The following ROBO1 variants were observed in gnomAD, a reference collection of about 807,000 sequenced individuals.
The protein encoded by ROBO1 is roundabout guidance receptor 1.
In ROBO1, 149 loss-of-function variants were observed where a neutral mutation model predicts 195.9. That is an observed-to-expected ratio of 0.76 (90% CI 0.67 to 0.87). The LOEUF is 0.87. Ranked by LOEUF, ROBO1 falls within the 40% of genes least tolerant of loss-of-function variation. The pLI, the probability that ROBO1 is intolerant of heterozygous loss-of-function variation, is 0.00. For missense variants in ROBO1, 1,933 were observed against 2,068.3 expected (o/e 0.93, Z 1.27); for synonymous variants, 816 against 733.2 (o/e 1.11, Z -1.82).
intron 3 of ROBO1, among the ~76,000 whole-genome samples, chr3:78,950,038 T>C (rs984937558): frequency 3.9e-5 from 6 of 152,070 alleles, no homozygotes; most frequent in African/African-American, 9.7e-5. Context: ...TGTGGAGAAA[T>C]AGGAACACTT....
chr3:79,639,490 A>G (rs901701289), intron 1 of ROBO1, among the ~76,000 whole-genome samples: 2 of 152,122 alleles, frequency 1.3e-5, no homozygotes, highest in African/African-American at 4.8e-5. Context: ...ACCAGGTTGG[A>G]AAAAAACTCA....
At chr3:79,512,169 AAAT>A in intron 2 of ROBO1, among the ~76,000 whole-genome samples, 1 of 142,036 alleles carries the variant, frequency 7.0e-6, no homozygotes, top group East Asian at 2.2e-4. Context: ...CAGAGAAATT[AAAT>A]AATCTGTTTA....
chr3:78,943,740 GAA>G (rs1368779655), intron 3 of ROBO1, among the ~76,000 whole-genome samples: 1 of 152,086 alleles, frequency 6.6e-6, no homozygotes, highest in Non-Finnish European at 1.5e-5. Context: ...CATTTCAAGA[GAA>G]AATATACACT....
chr3:79,647,747 G>C (rs1402664731), intron 1 of ROBO1, among the ~76,000 whole-genome samples: 1 of 152,086 alleles, frequency 6.6e-6, no homozygotes, highest in East Asian at 1.9e-4. Flanking sequence ...GAAGATGGGA[G>C]AGAACCTCTT....
chr3:79,201,470 G>A (rs150668405), intron 2 of ROBO1, among the ~76,000 whole-genome samples: 11 of 152,060 alleles, frequency 7.2e-5, no homozygotes, highest in African/African-American at 2.6e-4. Context: ...CAATTCTATG[G>A]GGAAGGTAGT....
chr3:78,638,776 A>G (rs937661042), intron 22 of ROBO1, among the ~76,000 whole-genome samples: 1 of 152,110 alleles, frequency 6.6e-6, no homozygotes, highest in Non-Finnish European at 1.5e-5. Context: ...TGGGAGGCTG[A>G]GGTGAGAGGA....
chr3:79,488,409 G>A (rs1467189964), intron 2 of ROBO1, among the ~76,000 whole-genome samples: 1 of 152,024 alleles, frequency 6.6e-6, no homozygotes, highest in East Asian at 1.9e-4. Flanking sequence ...GGCTAACTTT[G>A]GACCAAATTG....
intron 4 of ROBO1, among the ~76,000 whole-genome samples, chr3:78,868,495 C>T (rs2035323041): frequency 1.3e-5 from 2 of 152,104 alleles, no homozygotes; most frequent in South Asian, 2.1e-4. Flanking sequence ...ATAGTGGCAT[C>T]GCTTTTAATA....
chr3:78,853,049 C>A (rs552250331), intron 4 of ROBO1, among the ~76,000 whole-genome samples: 6 of 152,214 alleles, frequency 3.9e-5, no homozygotes, highest in Non-Finnish European at 7.4e-5. Context: ...TTAGACATTC[C>A]ATTTCAGACA....
intron 2 of ROBO1, among the ~76,000 whole-genome samples, chr3:79,279,188 C>T (rs2031301873): frequency 6.6e-6 from 1 of 151,886 alleles, no homozygotes; most frequent in Non-Finnish European, 1.5e-5. Flanking sequence ...ATAGCTGGAA[C>T]CCAGGAAGCG....
chr3:78,948,391 T>C (rs752887034), intron 3 of ROBO1, among the ~76,000 whole-genome samples: 1 of 152,204 alleles, frequency 6.6e-6, no homozygotes, highest in Non-Finnish European at 1.5e-5. Flanking sequence ...ATCCAGCTTA[T>C]AAACAGAACC....
chr3:79,187,630 C>G (rs984490062), intron 2 of ROBO1, among the ~76,000 whole-genome samples: 1 of 151,876 alleles, frequency 6.6e-6, no homozygotes, highest in African/African-American at 2.4e-5. Context: ...ATCCAGAAAA[C>G]AGATGGCCCC....
At chr3:79,731,206 A>C (rs1703134873) in intron 1 of ROBO1, among the ~76,000 whole-genome samples, 1 of 152,188 alleles carries the variant, frequency 6.6e-6, no homozygotes, top group Non-Finnish European at 1.5e-5. Context: ...TAATATTTTT[A>C]AAAAGTGTGT....
chr3:79,639,528 C>G (rs1308722085), intron 1 of ROBO1, among the ~76,000 whole-genome samples: 1 of 152,084 alleles, frequency 6.6e-6, no homozygotes, highest in African/African-American at 2.4e-5. Flanking sequence ...TTTTCTCTAT[C>G]TTTAATTTGC....
At chr3:78,830,126 C>G (rs2032021882) in intron 4 of ROBO1, among the ~76,000 whole-genome samples, 1 of 152,164 alleles carries the variant, frequency 6.6e-6, no homozygotes, top group East Asian at 1.9e-4. Flanking sequence ...TGGCTAGAGA[C>G]AAAAGCTCAG....
At chr3:78,894,052 C>T (rs1028093895) in intron 4 of ROBO1, among the ~76,000 whole-genome samples, 4 of 152,016 alleles carry the variant, frequency 2.6e-5, no homozygotes, top group African/African-American at 4.8e-5. Flanking sequence ...AACGCTTAGC[C>T]GAATCTCAAT....
chr3:79,543,330 T>C (rs2107648144), intron 2 of ROBO1, among the ~76,000 whole-genome samples: 1 of 152,260 alleles, frequency 6.6e-6, no homozygotes, highest in South Asian at 2.1e-4. Context: ...TTTCTTGTTC[T>C]GCATAATCTA....
At chr3:79,089,082 GGCAA>G (rs1452949332) in intron 3 of ROBO1, among the ~76,000 whole-genome samples, 2 of 151,942 alleles carry the variant, frequency 1.3e-5, no homozygotes, top group Non-Finnish European at 2.9e-5. Flanking sequence ...TTTCATAAAA[GGCAA>G]AATGTATTAA....
At chr3:78,980,787 T>C (rs2076974562) in intron 3 of ROBO1, among the ~76,000 whole-genome samples, 1 of 152,018 alleles carries the variant, frequency 6.6e-6, no homozygotes, top group Non-Finnish European at 1.5e-5. Flanking sequence ...CTTCAGTCCA[T>C]GGAAATAAAT....
Sources: gnomAD v4.1 joint callset for allele counts (sites outside exome capture counted in the v4.1 genomes callset) on GRCh38, gnomAD v4.1.1 for gene constraint, MANE v1.5 for transcripts, NCBI Gene and HGNC (gene_info 2026-07-23, HGNC 2026-07-21) for gene names.